Variants in COA8 observed in about 807,000 individuals in gnomAD.
COA8 encodes the protein cytochrome c oxidase assembly factor 8, also known as UPF0671 protein C14orf153.
A neutral mutation model predicts 22.0 loss-of-function variants in COA8; 20 were observed. The ratio of observed to expected loss-of-function variants is 0.91; its 90% CI spans 0.64 to 1.32. The LOEUF is 1.32. Among genes scored for constraint, COA8 ranks in the 40% most tolerant of loss-of-function variants. The pLI is 0.00. For missense variants in COA8, 266 were observed against 230.0 expected, an observed-to-expected ratio of 1.16 and a Z score of -1.01; for synonymous variants, 105 against 79.9, an observed-to-expected ratio of 1.31 and a Z score of -1.68.
At chr14:103,589,840 G>T (rs367713720) in intron 4 of COA8, among the ~76,000 whole-genome samples, 4 of 152,100 alleles carry the variant, frequency 2.6e-5, no homozygotes, top group African/African-American at 9.6e-5. Context: ...CGCGAACCCG[G>T]GAGGCGGAGC....
intron 3 of COA8, among the ~76,000 whole-genome samples, chr14:103,583,822 G>A (rs565017590): frequency 1.1e-4 from 16 of 152,314 alleles, no homozygotes; most frequent in African/African-American, 3.8e-4. Context: ...CCCTCTGCCT[G>A]ACAGGCTATA....
chr14:103,588,204 T>A (rs1272452756), intron 4 of COA8: 1 of 382,558 alleles, frequency 2.6e-6, no homozygotes, highest in African/African-American at 2.1e-5. Context: ...TAGGACATGA[T>A]ATCTGAGATT....
chr14:103,590,421 G>A lies in COA8; in HGVS notation c.*135G>A, dbSNP rs1186921770. 6.4e-6 allele frequency: 5 copies of A among 785,104 alleles called. No homozygotes were observed. The highest frequency in any genetic ancestry group is 1.8e-5 in the South Asian group (1 of 55,676). The allele number at this position is 785,104 out of a possible 1,614,324, so 48.6% of individuals were successfully genotyped here. A position where few individuals can be genotyped will look rare whatever the true frequency, so the allele number is the denominator to read the frequency against. ...TCCTAAGGGGCCCCATGGCCTGTTT[G>A]GGGGCAGGGTAGGTCCTGGGGCACT... On this transcript the variant is annotated 3_prime_UTR_variant, in exon 5 of 5. Coordinates refer to ENST00000409074, the MANE Select transcript of COA8 (RefSeq NM_001370595.2).
At chr14:103,586,861 A>G (rs931046164) in intron 3 of COA8, among the ~76,000 whole-genome samples, 1 of 151,432 alleles carries the variant, frequency 6.6e-6, no homozygotes, top group Non-Finnish European at 1.5e-5. Context: ...GAGTCACCAC[A>G]TCTGGCTAAT....
At position 103,590,298 on chromosome 14, in the gene COA8, G is replaced by T; in HGVS notation, c.*12G>T. 6.2e-7 allele frequency: 1 copy of T among 1,608,234 alleles called. No individual in the cohort carries two copies. The highest frequency in any genetic ancestry group is 8.5e-7 in the Non-Finnish European group (1 of 1,175,638). On this transcript the variant is annotated 3_prime_UTR_variant, in exon 5 of 5. Transcript: ENST00000409074. ...AGAGGAGCAACTAGGAGTCCACTCT[G>T]ACCCAGCCAGAGTCCAGGTTTCCAC...
chr14:103,588,429 C>CA (rs2076326742), intron 4 of COA8: 1 of 365,780 alleles, frequency 2.7e-6, no homozygotes, highest in Admixed American at 4.6e-5. Context: ...GGATGGCAGA[C>CA]AGAGTAAGAC....
intron 4 of COA8, among the ~76,000 whole-genome samples, chr14:103,589,839 G>A (rs551040707): frequency 7.2e-5 from 11 of 151,958 alleles, no homozygotes; most frequent in South Asian, 6.2e-4. Context: ...GCGCGAACCC[G>A]GGAGGCGGAG....
In COA8 at chr14:103,581,910, ACCCT is replaced by A. The variant is rs2076270091; in HGVS notation, c.386-5359_386-5356del. ...TGTGGGAATAAAGGGGTTGCCAGAC[ACCCT>A]CCCTGCTCTGTGGAGGGAGGGTGGA... On this transcript the variant is annotated intron_variant, in intron 3 of 4. Coordinates refer to ENST00000409074, the MANE Select transcript of COA8 (RefSeq NM_001370595.2). This position sits in a 1 kb window ranked among gnomAD's most constrained non-coding sequence, Gnocchi z 4.1. Among the ~76,000 whole-genome samples, 1 of 151,754 alleles carries A rather than the reference ACCCT, an allele frequency of 6.6e-6. No homozygotes were observed. Among genetic ancestry groups the A allele is most frequent in the South Asian group, 2.1e-4 (1 of 4,804 alleles).
chr14:103,577,218 C>T (rs1434479199), intron 3 of COA8, among the ~76,000 whole-genome samples: 1 of 151,844 alleles, frequency 6.6e-6, no homozygotes, highest in Non-Finnish European at 1.5e-5. Context: ...TATAGGCACC[C>T]GCCCCCACAC....
intron 1 of COA8, chr14:103,563,371 A>T: frequency 1.5e-6 from 1 of 677,110 alleles, no homozygotes; most frequent in South Asian, 1.5e-5. Context: ...AGCGTAACAG[A>T]GTCACCTGGC....
Position 103,563,118 on chromosome 14 carries a change from C to T in COA8, c.117C>T (p.Pro39=), listed in dbSNP as rs1443435721. ...ERGAERRDTA[P]SGVSRFCPPR... is the part of the protein sequence containing the mutation. ...GCGCCGAGCGCAGGGATACGGCGCC[C>T]AGCGGGGTAAGCAGGGGCCTGGGGA... Residue 39 remains proline, a synonymous_variant, in exon 1 of 5, where the codon CCC becomes CCT. Transcript: ENST00000409074. 9.1e-6 allele frequency: 14 copies of T among 1,539,816 alleles called. No individual in the cohort carries two copies. Among genetic ancestry groups the T allele is most frequent in the Middle Eastern group, 3.4e-4 (2 of 5,854 alleles).
intron 1 of COA8, chr14:103,567,465 A>T (rs934183386): frequency 2.0e-5 from 3 of 151,920 alleles, no homozygotes; most frequent in African/African-American, 7.3e-5. Context: ...ATTATTGATA[A>T]TTGAAAACTT....
At position 103,587,338 on chromosome 14, in the gene COA8, T is replaced by A; in HGVS notation, c.450T>A (p.Asn150Lys). Residue 150 changes from asparagine (N) to lysine (K), a missense_variant, in exon 4 of 5, where the codon AAT (asparagine) becomes AAA (lysine). By Grantham distance (94) the Asn-to-Lys change is moderately conservative (BLOSUM62 0). Transcript: ENST00000409074. ...ADFYKEFLSK[N>K]FQKHMYYNRD... ...TCTACAAGGAATTTTTAAGTAAAAA[T>A]TTTCAGAAGCACATGTATTATAACA... 6.2e-7 allele frequency: 1 copy of A among 1,613,294 alleles called. No individual in the cohort carries two copies. Among genetic ancestry groups the A allele is most frequent in the African/African-American group, 1.3e-5 (1 of 75,014 alleles).
At chr14:103,572,395 A>G (rs997883919) in intron 2 of COA8, among the ~76,000 whole-genome samples, 2 of 152,188 alleles carry the variant, frequency 1.3e-5, no homozygotes, top group Non-Finnish European at 2.9e-5. Flanking sequence ...AACTAGAAGT[A>G]CATGTTTTAC....
At chr14:103,588,299 G>C (rs2076326036) in intron 4 of COA8, 1 of 396,834 alleles carries the variant, frequency 2.5e-6, no homozygotes, top group African/African-American at 2.1e-5. Context: ...TAGATCACTT[G>C]AGTCCAGGAG....
chr14:103,567,202 G>T (rs897948741), intron 1 of COA8, among the ~76,000 whole-genome samples: 6 of 151,982 alleles, frequency 3.9e-5, no homozygotes, highest in Non-Finnish European at 4.4e-5. Context: ...GTGAAACACC[G>T]TCTCTACTGA....
chr14:103,564,571 C>CTTTTT (rs561702478), intron 1 of COA8, among the ~76,000 whole-genome samples: 7 of 91,476 alleles, frequency 7.7e-5, no homozygotes, highest in Admixed American at 2.3e-4. Flanking sequence ...ATATACACTT[C>CTTTTT]TTTTTTTTTT....
chr14:103,574,135 TA>T lies in COA8; in HGVS notation c.355del (p.Thr119LeufsTer6). 9.8e-7 allele frequency: 1 copy of T among 1,018,078 alleles called. No homozygotes were observed. Among genetic ancestry groups the T allele is most frequent in the Non-Finnish European group, 1.5e-6 (1 of 685,426 alleles). 63.1% of individuals were successfully genotyped at this position (1,018,078 alleles called of 1,614,324 possible). A position where few individuals can be genotyped will look rare whatever the true frequency, so the allele number is the denominator to read the frequency against. On this transcript the variant is annotated frameshift_variant, in exon 3 of 5. Transcript: ENST00000409074. LOFTEE classifies it high-confidence loss of function. ...KEKEEFIHSR[L>X]KTKGLGLRTE... ...AAAGAAGAATTTATTCACTCAAGAC[TA>T]AAAACTAAAGGCCTGGGCCTGAGAA... is the stretch of plus-strand genomic sequence containing the variant.
At chr14:103,563,508 T>C (rs2076109489) in intron 1 of COA8, 1 of 365,030 alleles carries the variant, frequency 2.7e-6, no homozygotes, top group Admixed American at 4.1e-5. Flanking sequence ...TTATTAGTGC[T>C]TTTCTTCAAG....
Sources: gnomAD v4.1 joint callset for allele counts (sites outside exome capture counted in the v4.1 genomes callset) on GRCh38, gnomAD v4.1.1 for gene constraint, Gnocchi (gnomAD v3.1) non-coding constraint, MANE v1.5 for transcripts, NCBI Gene and HGNC (gene_info 2026-07-23, HGNC 2026-07-21) for gene names.